RANBP17: variants seen among roughly 807,000 people sequenced by gnomAD.
The protein encoded by RANBP17 is RAN binding protein 17.
A neutral mutation model predicts 141.2 loss-of-function variants in RANBP17; 158 were observed. The ratio of observed to expected loss-of-function variants is 1.12; its 90% CI spans 0.98 to 1.28. The LOEUF (loss-of-function observed/expected upper bound fraction) is 1.28, where lower values mean the gene tolerates loss of function less well. Among genes scored for constraint, RANBP17 ranks in the 50% most tolerant of loss-of-function variants. The pLI, the probability that RANBP17 is intolerant of heterozygous loss-of-function variation, is 0.00. For synonymous variants in RANBP17, 430 were observed against 450.0 expected, an observed-to-expected ratio of 0.96 and a Z score of 0.56; for missense variants, 1,438 against 1,290.7, an observed-to-expected ratio of 1.11 and a Z score of -1.75.
rs1167025699 is a variant in RANBP17 at position 171,105,381 on chromosome 5, CAAAAAAAAA to C, written c.1711-64732_1711-64724del. ...TGGGCGACAGAGCGAGACTCCGTCT[CAAAAAAAAA>C]AAAAAAAAAAAAAAAATTTTCCTGG... is the stretch of plus-strand genomic sequence containing the variant. On this transcript the variant is annotated intron_variant, in intron 14 of 27. Coordinates refer to ENST00000523189, the MANE Select transcript of RANBP17 (RefSeq NM_022897.5). 0.01 allele frequency among the ~76,000 whole-genome samples: 568 copies of C among 54,312 alleles called. 11 individuals carry two copies. In the East Asian group the frequency reaches 0.11, roughly 10 times the overall value. 35.6% of individuals were successfully genotyped at this position (54,312 alleles called of 152,430 possible). A position where few individuals can be genotyped will look rare whatever the true frequency, so the allele number is the denominator to read the frequency against.
intron 19 of RANBP17, among the ~76,000 whole-genome samples, chr5:171,205,031 G>A (rs188935406): frequency 2.1e-3 from 313 of 152,260 alleles, no homozygotes; most frequent in African/African-American, 7.3e-3. Context: ...CATAGTACAT[G>A]TAGGTCACTT....
intron 10 of RANBP17, among the ~76,000 whole-genome samples, 189 bp downstream of exon 10, chr5:170,919,048 CTAA>C (rs1353366264): frequency 6.6e-5 from 10 of 151,814 alleles, no homozygotes; most frequent in Non-Finnish European, 1.3e-4. Flanking sequence ...ATTTAAATAT[CTAA>C]TAATTGAATA....
chr5:171,281,799 C>A (rs1420320938), intron 25 of RANBP17, among the ~76,000 whole-genome samples: 1 of 152,076 alleles, frequency 6.6e-6, no homozygotes, highest in African/African-American at 2.4e-5. Context: ...TGAAAGAAAC[C>A]TTGTAGATAA....
chr5:171,137,590 GTGTGTGTGTGTGTGTC>G (rs746162246), intron 14 of RANBP17, among the ~76,000 whole-genome samples: 79 of 143,632 alleles, frequency 5.5e-4, no homozygotes, highest in Middle Eastern at 6.9e-3. Flanking sequence ...GTGTGTGTGT[GTGTGTGTGTGTGTGTC>G]TGTGTGTGTG....
intron 24 of RANBP17, among the ~76,000 whole-genome samples, chr5:171,243,396 G>A (rs905551989): frequency 1.3e-5 from 2 of 152,102 alleles, no homozygotes; most frequent in Admixed American, 1.3e-4. Context: ...TCCATTGTAT[G>A]TATTATTAGT....
intron 14 of RANBP17, among the ~76,000 whole-genome samples, chr5:171,021,577 A>G (rs534043835): frequency 2.0e-5 from 3 of 152,060 alleles, no homozygotes; most frequent in African/African-American, 7.2e-5. Flanking sequence ...TATTGATTGT[A>G]TATGCTTCAC....
intron 6 of RANBP17, chr5:170,910,470 A>T (rs1161301086): frequency 6.6e-6 from 1 of 152,368 alleles, no homozygotes; most frequent in Non-Finnish European, 1.5e-5. Flanking sequence ...AGAAAATTTT[A>T]ACATACACAA....
chr5:170,910,865 C>T, intron 6 of RANBP17, 104 bp from the exon 7 acceptor site: 1 of 1,144,882 alleles, frequency 8.7e-7, no homozygotes, highest in Non-Finnish European at 1.3e-6. Flanking sequence ...TTTGTAAACT[C>T]CTTTATTAGT....
At chr5:170,888,655 A>G (rs1039921802) in intron 3 of RANBP17, among the ~76,000 whole-genome samples, 2 of 152,074 alleles carry the variant, frequency 1.3e-5, no homozygotes, top group East Asian at 3.9e-4. Context: ...GAGCAAAGAC[A>G]CTTTTAGTTC....
At chr5:170,924,691 C>A (rs1772771215) in intron 12 of RANBP17, 141 bp downstream of exon 12, 4 of 535,754 alleles carry the variant, frequency 7.5e-6, no homozygotes, top group Middle Eastern at 5.3e-4. Context: ...ATTTTATTAA[C>A]CTCCTGGGTA....
intron 1 of RANBP17, among the ~76,000 whole-genome samples, chr5:170,871,921 G>A (rs60499897): frequency 6.8e-4 from 104 of 152,300 alleles, no homozygotes; most frequent in African/African-American, 2.4e-3. Context: ...AGTTACTGTA[G>A]CCTTGCAGTA....
At chr5:171,077,736 A>G (rs1173073120) in intron 14 of RANBP17, among the ~76,000 whole-genome samples, 1 of 152,238 alleles carries the variant, frequency 6.6e-6, no homozygotes, top group Admixed American at 6.5e-5. Flanking sequence ...TTTAAGTCAC[A>G]GGAAAAGCAC....
intron 13 of RANBP17, among the ~76,000 whole-genome samples, chr5:170,962,375 T>G (rs1307988353): frequency 6.6e-6 from 1 of 152,172 alleles, no homozygotes; most frequent in Non-Finnish European, 1.5e-5. Context: ...CAACAAATTT[T>G]TGTTCCACAT....
intron 14 of RANBP17, among the ~76,000 whole-genome samples, chr5:171,141,688 T>C (rs1241631065): frequency 6.8e-6 from 1 of 146,684 alleles, no homozygotes; most frequent in African/African-American, 2.5e-5. Context: ...AACTGGAGAA[T>C]TGGTTAAATT....
chr5:171,224,708 G>C (rs1763785781), intron 22 of RANBP17, among the ~76,000 whole-genome samples: 2 of 152,162 alleles, frequency 1.3e-5, no homozygotes, highest in Admixed American at 6.5e-5. Context: ...AAAACGTCCA[G>C]AGCATTCTTG....
At chr5:170,863,842 C>CA (rs1344489066) in intron 1 of RANBP17, among the ~76,000 whole-genome samples, 1 of 150,610 alleles carries the variant, frequency 6.6e-6, no homozygotes, top group Non-Finnish European at 1.5e-5. Flanking sequence ...ATGTACTTCA[C>CA]AGTACATTCC....
intron 14 of RANBP17, among the ~76,000 whole-genome samples, chr5:171,125,329 T>A (rs1357842691): frequency 1.1e-4 from 13 of 119,726 alleles, no homozygotes; most frequent in South Asian, 2.6e-4. Flanking sequence ...AGTGAAGGGA[T>A]GGAAAAAGAT....
chr5:171,260,710 T>G (rs1480731029), intron 24 of RANBP17, among the ~76,000 whole-genome samples: 1 of 152,112 alleles, frequency 6.6e-6, no homozygotes, highest in Non-Finnish European at 1.5e-5. Flanking sequence ...ACATGTACAC[T>G]ATAAATTTGT....
At chr5:170,878,028 T>C in intron 1 of RANBP17, 69 bp from the exon 2 acceptor site, 1 of 1,137,710 alleles carries the variant, frequency 8.8e-7, no homozygotes, top group Non-Finnish European at 1.2e-6. Context: ...GTATCCCTTG[T>C]TTTTTGTGGT....
Sources: gnomAD v4.1 joint callset for allele counts (sites outside exome capture counted in the v4.1 genomes callset) on GRCh38, gnomAD v4.1.1 for gene constraint, MANE v1.5 for transcripts, NCBI Gene and HGNC (gene_info 2026-07-23, HGNC 2026-07-21) for gene names.